The following TRIM37 variants were observed in gnomAD, a reference collection of about 807,000 sequenced individuals.
TRIM37 encodes E3 ubiquitin-protein ligase TRIM37.
In TRIM37, 80 loss-of-function variants were observed where a neutral mutation model predicts 129.8. That is an observed-to-expected ratio of 0.62 (90% CI 0.51 to 0.74). The LOEUF (loss-of-function observed/expected upper bound fraction) is 0.74. Among genes scored for constraint, TRIM37 ranks in the 30% least tolerant of loss-of-function variants. The probability of loss-of-function intolerance (pLI) is 0.00; values close to 1 mark genes in which losing one functional copy is unlikely to be tolerated. For synonymous variants in TRIM37, 389 were observed against 387.1 expected (o/e 1.00, Z -0.06); for missense variants, 1,054 against 1,176.5 (o/e 0.90, Z 1.52).
chr17:59,086,298 C>T (rs776143971), intron 4 of TRIM37, among the ~76,000 whole-genome samples: 4 of 148,110 alleles, frequency 2.7e-5, no homozygotes, highest in Admixed American at 6.8e-5. Context: ...AATGAAGTGG[C>T]GCGATCTTGG....
chr17:59,104,953 G>A (rs769862739), intron 1 of TRIM37, among the ~76,000 whole-genome samples: 6 of 151,890 alleles, frequency 4.0e-5, no homozygotes, highest in African/African-American at 7.3e-5. Context: ...TTAGCCAGGC[G>A]TGGTGGTGTG....
Position 58,999,058 on chromosome 17 carries a change from T to C in TRIM37, c.*319A>G. 1.7e-6 allele frequency: 2 copies of C among 1,171,902 alleles called. No individual in the cohort carries two copies. The highest frequency in any genetic ancestry group is 2.1e-6 in the Non-Finnish European group (2 of 941,814). 72.6% of individuals were successfully genotyped at this position (1,171,902 alleles called of 1,614,324 possible). A position where few individuals can be genotyped will look rare whatever the true frequency, so the allele number is the denominator to read the frequency against. ...CGGCATGCAGGGCCTGGAGGTACAT[T>C]TTCTGGCAGTTAACCAGCCTTCTGC... On this transcript the variant is annotated 3_prime_UTR_variant, in exon 24 of 24. Coordinates refer to ENST00000262294, the MANE Select transcript of TRIM37 (RefSeq NM_015294.6).
chr17:59,008,071 A>G (rs1297390725), intron 22 of TRIM37, among the ~76,000 whole-genome samples: 1 of 152,274 alleles, frequency 6.6e-6, no homozygotes, highest in Non-Finnish European at 1.5e-5. Context: ...TACTGGCAAC[A>G]GTGAGCAAGG....
chr17:59,059,708 T>G (rs1311883254), intron 12 of TRIM37, among the ~76,000 whole-genome samples: 5 of 152,174 alleles, frequency 3.3e-5, no homozygotes, highest in African/African-American at 1.2e-4. Context: ...CCTTATAAAT[T>G]TTCTTGAGCT....
chr17:59,104,750 A>G (rs1342549819), intron 1 of TRIM37, among the ~76,000 whole-genome samples: 1 of 152,136 alleles, frequency 6.6e-6, no homozygotes, highest in Non-Finnish European at 1.5e-5. Flanking sequence ...GTCACCAGAA[A>G]TACTTCTTCA....
At chr17:58,967,803 C>CT in the TRIM37 span, among the ~76,000 whole-genome samples, 1,014 of 137,984 alleles carry the variant, frequency 7.3e-3, 17 homozygotes, top group Middle Eastern at 0.019. Context: ...TTCTTTATTT[C>CT]TTTTTTTTTT....
At chr17:59,078,081 T>C (rs2042969937) in intron 7 of TRIM37, among the ~76,000 whole-genome samples, 1 of 149,210 alleles carries the variant, frequency 6.7e-6, no homozygotes, top group East Asian at 2.0e-4. Context: ...GCCGAGATAG[T>C]GCCACTGCAC....
At chr17:59,021,806 A>G (rs1205053262) in intron 19 of TRIM37, among the ~76,000 whole-genome samples, 2 of 152,158 alleles carry the variant, frequency 1.3e-5, no homozygotes, top group East Asian at 3.9e-4. Flanking sequence ...AATGCTTGAG[A>G]TGATGGATAC....
chr17:59,052,390 GC>G (rs1177176826), intron 13 of TRIM37, among the ~76,000 whole-genome samples: 2 of 152,058 alleles, frequency 1.3e-5, no homozygotes, highest in Non-Finnish European at 2.9e-5. Context: ...ATTCCTTCCA[GC>G]CCTTTTACCC....
At chr17:59,028,893 T>A (rs2037524167) in intron 18 of TRIM37, among the ~76,000 whole-genome samples, 170 bp from the exon 19 acceptor site, 1 of 152,226 alleles carries the variant, frequency 6.6e-6, no homozygotes, top group Non-Finnish European at 1.5e-5. Context: ...TAAAGAATCC[T>A]ACCTTATTCA....
At chr17:59,089,467 G>A (rs796159239) in intron 3 of TRIM37, among the ~76,000 whole-genome samples, 6 of 151,968 alleles carry the variant, frequency 3.9e-5, no homozygotes, top group African/African-American at 1.4e-4. Context: ...ATGGTGAAAC[G>A]CTGTCTCTAC....
chr17:59,043,210 G>A (rs2039441310), intron 16 of TRIM37, among the ~76,000 whole-genome samples: 1 of 152,192 alleles, frequency 6.6e-6, no homozygotes, highest in Admixed American at 6.6e-5. Context: ...GTCAATGACA[G>A]TCTTGGGTAT....
chr17:59,070,817 T>C lies in TRIM37; in HGVS notation c.809+6A>G, dbSNP rs1383558746. The C allele has an allele frequency of 6.2e-7, 1 of 1,613,818 alleles. No individual in the cohort carries two copies. The highest frequency in any genetic ancestry group is 1.7e-5 in the Admixed American group (1 of 60,004). On this transcript the variant is annotated splice_donor_region_variant and intron_variant, in intron 9 of 23. Transcript: ENST00000262294. ...AATGAAAATGAAATTAAAAACTGTG[T>C]CATACCTGGTAAAGTCTGGTGGAAC...
intron 17 of TRIM37, among the ~76,000 whole-genome samples, chr17:59,032,656 GA>G (rs1488955695): frequency 2.0e-5 from 3 of 151,692 alleles, no homozygotes; most frequent in Admixed American, 2.0e-4. Flanking sequence ...CTGAGCCCTA[GA>G]AAAAAACAGA....
the TRIM37 span, chr17:58,972,304 A>G: frequency 1.3e-6 from 2 of 1,588,860 alleles, no homozygotes; most frequent in Non-Finnish European, 1.7e-6. Context: ...AATAGAGCCC[A>G]TGCTCTAGTT....
At chr17:58,974,033 C>T in the TRIM37 span, among the ~76,000 whole-genome samples, 10 of 147,974 alleles carry the variant, frequency 6.8e-5, no homozygotes, top group African/African-American at 2.0e-4. Context: ...GAGGCTGAGG[C>T]GGAAGGATTG....
chr17:58,985,315 T>C (rs2031697925), intron 24 of TRIM37: 1 of 152,492 alleles, frequency 6.6e-6, no homozygotes, highest in Non-Finnish European at 1.5e-5. Context: ...AAAAAGAAGA[T>C]TTGCTAAATG....
intron 23 of TRIM37, 121 bp from the exon 24 acceptor site, chr17:58,999,580 T>C: frequency 1.2e-6 from 1 of 830,112 alleles, no homozygotes; most frequent in Non-Finnish European, 1.8e-6. Context: ...AAAGATGTGC[T>C]GGGTTGTGAA....
At chr17:59,103,671 C>T (rs1271294704) in intron 2 of TRIM37, among the ~76,000 whole-genome samples, 1 of 139,274 alleles carries the variant, frequency 7.2e-6, no homozygotes, top group Non-Finnish European at 1.5e-5. Context: ...TTTTTTGAGA[C>T]GGAGTCTCAC....
Sources: allele counts gnomAD v4.1 joint callset (sites outside exome capture counted in the v4.1 genomes callset), GRCh38; gene constraint gnomAD v4.1.1; transcripts MANE v1.5; gene names NCBI Gene and HGNC (gene_info 2026-07-23, HGNC 2026-07-21).